The following WDR26 variants were observed in gnomAD, a reference collection of about 807,000 sequenced individuals.
WDR26 encodes the protein WD repeat domain 26.
Under a neutral mutation model 84.1 loss-of-function variants are expected in WDR26, and 5 were observed. That is an observed-to-expected ratio of 0.06 (90% CI 0.03 to 0.13). The LOEUF (loss-of-function observed/expected upper bound fraction) is 0.13, where lower values mean the gene tolerates loss of function less well. Among genes scored for constraint, WDR26 ranks in the 10% least tolerant of loss-of-function variants. The pLI is 1.00. For synonymous variants in WDR26, 415 were observed against 389.6 expected (o/e 1.07, Z -0.77); for missense variants, 642 against 974.9 (o/e 0.66, Z 4.55).
At chr1:224,427,401 C>T (rs565761958) in intron 3 of WDR26, among the ~76,000 whole-genome samples, 7 of 152,086 alleles carry the variant, frequency 4.6e-5, no homozygotes, top group African/African-American at 1.2e-4. Context: ...GTGCCCAAAG[C>T]GCTATTTCTC....
intron 8 of WDR26, among the ~76,000 whole-genome samples, chr1:224,403,909 C>A (rs1673486506): frequency 6.6e-6 from 1 of 152,142 alleles, no homozygotes; most frequent in Non-Finnish European, 1.5e-5. Context: ...CGCACTCCAG[C>A]CTGGGCGACA....
In WDR26 at chr1:224,393,842, T is replaced by C. The variant is rs1320826718; in HGVS notation, c.2246A>G (p.His749Arg). Residue 749 changes from histidine to arginine, a missense_variant, in exon 13 of 14, where the codon CAC (histidine) becomes CGC (arginine). Physicochemically the swap from His to Arg is conservative, Grantham distance 29. Around this residue, in one of 2 missense-constraint regions of WDR26, gnomAD observed 351 missense variants for 672.8 expected, o/e 0.52. Transcript: ENST00000414423. ...AAAGGTATTACCTTCAATATTCTGG[T>C]GGTCTATAAAAGGTGCTGGTCCCCA... The C allele has an allele frequency of 2.6e-6, 4 of 1,542,312 alleles. No homozygotes were observed. Among genetic ancestry groups the C allele is most frequent in the Non-Finnish European group, 3.6e-6 (4 of 1,126,562 alleles).
chr1:224,434,299 G>A lies in WDR26; in HGVS notation c.107C>T (p.Ala36Val), dbSNP rs1286173823. 20 of 1,235,020 alleles carry A rather than the reference G, an allele frequency of 1.6e-5. No homozygotes were observed. The highest frequency in any genetic ancestry group is 2.0e-5 in the Non-Finnish European group (20 of 990,006). The allele number at this position is 1,235,020 out of a possible 1,614,324, so 76.5% of individuals were successfully genotyped here. A position where few individuals can be genotyped will look rare whatever the true frequency, so the allele number is the denominator to read the frequency against. ...AGCCCCGGGCTCTCCTACTCCCTCC[G>A]CCGCCGAGGCTCGGGGTTTCTTCCG... Residue 36 changes from alanine (A) to valine (V), a missense_variant, in exon 1 of 14, where the codon GCG becomes GTG. By Grantham distance (64) the Ala-to-Val change is moderately conservative (BLOSUM62 0). Around this residue, in one of 2 missense-constraint regions of WDR26, gnomAD observed 291 missense variants for 302.1 expected, o/e 0.96. Coordinates refer to ENST00000414423, the MANE Select transcript of WDR26 (RefSeq NM_001379403.1).
intron 6 of WDR26, among the ~76,000 whole-genome samples, chr1:224,414,089 G>T (rs958111743): frequency 4.6e-5 from 7 of 151,868 alleles, no homozygotes; most frequent in African/African-American, 1.4e-4. Flanking sequence ...TGGGATTACA[G>T]GCGTGAGCCA....
At chr1:224,427,780 C>T (rs553232234) in intron 3 of WDR26, among the ~76,000 whole-genome samples, 114 of 152,118 alleles carry the variant, frequency 7.5e-4, no homozygotes, top group African/African-American at 2.6e-3. Flanking sequence ...ATTTTACCTC[C>T]CAAAATTTAA....
At chr1:224,417,384 A>G (rs1345758634) in intron 6 of WDR26, among the ~76,000 whole-genome samples, 2 of 152,154 alleles carry the variant, frequency 1.3e-5, no homozygotes, top group African/African-American at 4.8e-5. Flanking sequence ...ATATTTCACA[A>G]TTTGTTATTC....
intron 12 of WDR26, 97 bp downstream of exon 12, chr1:224,398,000 A>T: frequency 6.9e-7 from 1 of 1,450,072 alleles, no homozygotes; most frequent in Non-Finnish European, 9.3e-7. Flanking sequence ...ATTTTAACTT[A>T]CTACCCTGAA....
In WDR26 at chr1:224,434,563, G is replaced by C. The variant is rs1206011899; in HGVS notation, c.-158C>G. 2.2e-6 allele frequency: 1 copy of C among 449,208 alleles called. No individual in the cohort carries two copies. The highest frequency in any genetic ancestry group is 2.9e-6 in the Non-Finnish European group (1 of 344,030). 27.8% of individuals were successfully genotyped at this position (449,208 alleles called of 1,614,324 possible). On this transcript the variant is annotated 5_prime_UTR_variant, in exon 1 of 14. Coordinates refer to ENST00000414423, the MANE Select transcript of WDR26 (RefSeq NM_001379403.1). The stretch of plus-strand genomic sequence containing the variant: ...AGGAGGAGGGGGAGAAGGAGGATCC[G>C]GGCCCTTTCCCCCCCCCCTCCCGGA...
At position 224,398,957 on chromosome 1, in the gene WDR26, A is replaced by G. The variant is rs1673334412; in HGVS notation, c.1797T>C (p.Thr599=). 1.2e-6 allele frequency: 2 copies of G among 1,613,298 alleles called. No homozygotes were observed. The highest frequency in any genetic ancestry group is 1.7e-6 in the Non-Finnish European group (2 of 1,179,756). The change falls in exon 10 of 14, where the codon ACT becomes ACC. Residue 599 remains threonine (T), a synonymous_variant. Coordinates refer to ENST00000414423, the MANE Select transcript of WDR26 (RefSeq NM_001379403.1). ...GCTGGTGTGTATCTGATGCCAGAAC[A>G]GTCTTTCCATCACTCAAGCACCAAA...
intron 5 of WDR26, among the ~76,000 whole-genome samples, chr1:224,418,797 C>T (rs1161880458): frequency 6.6e-6 from 1 of 152,182 alleles, no homozygotes; most frequent in Non-Finnish European, 1.5e-5. Flanking sequence ...AAAATTTTGG[C>T]AAATGTTGCA....
intron 7 of WDR26, among the ~76,000 whole-genome samples, chr1:224,407,152 AT>A (rs1420687027): frequency 0.09 from 1,128 of 12,504 alleles, 29 homozygotes; most frequent in East Asian, 0.18. Flanking sequence ...AAAAAAAAAA[AT>A]ATATATATAT....
At chr1:224,401,671 C>CAAAAAAAAAAAAAAAAGGAAAAAAAAAAA (rs1673417200) in intron 8 of WDR26, among the ~76,000 whole-genome samples, 1 of 49,642 alleles carries the variant, frequency 2.0e-5, no homozygotes, top group East Asian at 5.4e-4. Context: ...GAGACTGTCT[C>CAAAAAAAAAAAAAAAAGGAAAAAAAAAAA]AAAAAAAAAA....
At chr1:224,420,663 CTTGA>C (rs1558438769) in intron 4 of WDR26, among the ~76,000 whole-genome samples, 1 of 152,246 alleles carries the variant, frequency 6.6e-6, no homozygotes, top group Admixed American at 6.5e-5. Context: ...TACTTTTCCT[CTTGA>C]TTTTTAGTAC....
At chr1:224,420,746 T>A (rs1424980224) in intron 4 of WDR26, among the ~76,000 whole-genome samples, 2 of 152,160 alleles carry the variant, frequency 1.3e-5, no homozygotes, top group African/African-American at 2.4e-5. Flanking sequence ...AAAAACGCTA[T>A]AGGAAGTTAG....
intron 12 of WDR26, among the ~76,000 whole-genome samples, chr1:224,394,730 C>T (rs1201848156): frequency 2.0e-5 from 3 of 152,000 alleles, no homozygotes; most frequent in East Asian, 1.9e-4. Context: ...CTCCTGACCT[C>T]GTGATCCGCC....
At chr1:224,415,453 CTTTTTTTTTTTT>C (rs149995544) in intron 6 of WDR26, among the ~76,000 whole-genome samples, 21 of 82,350 alleles carry the variant, frequency 2.6e-4, no homozygotes, top group African/African-American at 8.3e-4. Flanking sequence ...GTATTTCTTT[CTTTTTTTTTTTT>C]TTTTTTTTTT....
intron 3 of WDR26, among the ~76,000 whole-genome samples, chr1:224,427,084 C>A (rs1422493294): frequency 1.8e-5 from 2 of 109,278 alleles, no homozygotes; most frequent in African/African-American, 4.0e-5. Context: ...GCCTGGGCAA[C>A]GAGAGCAAAA....
intron 8 of WDR26, among the ~76,000 whole-genome samples, chr1:224,403,551 G>C (rs1673474763): frequency 6.6e-6 from 1 of 152,120 alleles, no homozygotes; most frequent in East Asian, 1.9e-4. Flanking sequence ...ATAACTACAG[G>C]GTTTCTAAAA....
Position 224,434,429 on chromosome 1 carries a change from C to G in WDR26, c.-24G>C, listed in dbSNP as rs1454381340. ...GTGGTGGGAAGCCGGTGGGGCGAGG[C>G]GGGGGAGGGGAGGCGGGGGCCGGGG... On this transcript the variant is annotated 5_prime_UTR_variant, in exon 1 of 14. Transcript: ENST00000414423. 7.4e-5 allele frequency: 15 copies of G among 202,356 alleles called. No individual in the cohort carries two copies. The highest frequency in any genetic ancestry group is 2.2e-4 in the South Asian group (1 of 4,566). 12.5% of individuals were successfully genotyped at this position (202,356 alleles called of 1,614,324 possible).
Sources: gnomAD v4.1 joint callset for allele counts (sites outside exome capture counted in the v4.1 genomes callset) on GRCh38, gnomAD v4.1.1 for gene constraint, gnomAD v4.1.1 regional missense constraint, MANE v1.5 for transcripts, NCBI Gene and HGNC (gene_info 2026-07-23, HGNC 2026-07-21) for gene names.